Variants in PCDHGA2 observed in about 807,000 individuals in gnomAD.
PCDHGA2 encodes the protein protocadherin gamma-A2.
In PCDHGA2, 40 loss-of-function variants were observed where a neutral mutation model predicts 59.2. The observed-to-expected ratio is 0.68, with a 90% CI of 0.52 to 0.88. The LOEUF is 0.88. Ranked by LOEUF, PCDHGA2 falls within the 40% of genes least tolerant of loss-of-function variation. PCDHGA2 has a pLI of 0.00. For synonymous variants in PCDHGA2, 560 were observed against 526.0 expected, an observed-to-expected ratio of 1.06 and a Z score of -0.89; for missense variants, 1,226 against 1,204.0, an observed-to-expected ratio of 1.02 and a Z score of -0.27.
At chr5:141,343,931 T>A in intron 1 of PCDHGA2, 2 of 1,095,094 alleles carry the variant, frequency 1.8e-6, no homozygotes, top group Non-Finnish European at 2.6e-6. Context: ...GTTTGACCTG[T>A]GAATTAGGCC....
At chr5:141,387,714 A>G in intron 1 of PCDHGA2, 1 of 1,059,158 alleles carries the variant, frequency 9.4e-7, no homozygotes, top group East Asian at 2.6e-5. Context: ...GCCCCAGCTC[A>G]GACTCCCCAG....
At position 141,431,007 on chromosome 5, in the gene PCDHGA2, G is replaced by C. The variant is rs149559471; in HGVS notation, c.2425-63800G>C. On this transcript the variant is annotated intron_variant, in intron 1 of 3. Transcript: ENST00000394576. This position sits in a 1 kb window ranked among gnomAD's most constrained non-coding sequence, Gnocchi z 4.8. Reference sequence around the variant, plus strand: ...TTCGCCCTGAATCCGCGCAGCGGCAGCTTGGTCACGGCGGGCAGGATAGAC... The same window carrying C: ...TTCGCCCTGAATCCGCGCAGCGGCACCTTGGTCACGGCGGGCAGGATAGAC... 10 of 1,614,050 alleles carry C rather than the reference G, an allele frequency of 6.2e-6. No homozygotes were observed. The highest frequency in any genetic ancestry group is 8.5e-6 in the Non-Finnish European group (10 of 1,180,018).
In PCDHGA2 at chr5:141,423,758, G is replaced by T. The variant is rs1192987646; in HGVS notation, c.2425-71049G>T. Reference sequence around the variant, plus strand: ...CTGTTATGAAAACTGTTTGGGGGGGGGGTGGGGCGGCATATATTTAGTTCA... The same window carrying T: ...CTGTTATGAAAACTGTTTGGGGGGGTGGTGGGGCGGCATATATTTAGTTCA... On this transcript the variant is annotated intron_variant, in intron 1 of 3. Transcript: ENST00000394576. 1.4e-4 allele frequency: 53 copies of T among 366,832 alleles called. 6 individuals carry two copies. The highest frequency in any genetic ancestry group is 3.4e-4 in the South Asian group (4 of 11,762). 22.7% of individuals were successfully genotyped at this position (366,832 alleles called of 1,614,324 possible).
At chr5:141,361,405 G>A (rs1762001636) in intron 1 of PCDHGA2, 1 of 1,613,928 alleles carries the variant, frequency 6.2e-7, no homozygotes, top group African/African-American at 1.3e-5. Context: ...CACCATCACA[G>A]CCACCGACGG....
chr5:141,415,883 G>A (rs2095968409), intron 1 of PCDHGA2: 1 of 983,982 alleles, frequency 1.0e-6, no homozygotes, highest in African/African-American at 1.7e-5. Context: ...GTACAATATT[G>A]ACAATTCCTA....
chr5:141,364,068 C>T (rs1405963968), intron 1 of PCDHGA2, among the ~76,000 whole-genome samples: 1 of 152,134 alleles, frequency 6.6e-6, no homozygotes, highest in Non-Finnish European at 1.5e-5. Flanking sequence ...TATAACTAAA[C>T]TTAGGAGAAA....
chr5:141,499,138 G>A (rs765607930), intron 2 of PCDHGA2, among the ~76,000 whole-genome samples: 12 of 152,144 alleles, frequency 7.9e-5, no homozygotes, highest in Non-Finnish European at 1.5e-4. Flanking sequence ...TCCTTTGGGT[G>A]TCTGATCCCA....
chr5:141,500,467 C>T lies in PCDHGA2; in HGVS notation c.2484-4926C>T, dbSNP rs368360639. 6.6e-5 allele frequency among the ~76,000 whole-genome samples: 10 copies of T among 152,262 alleles called. No homozygotes were observed. In the South Asian group the frequency reaches 2.1e-3, roughly 32 times the overall value. ...CTCGTGATCCGCCCGCCTCGGCCTC[C>T]CAAAGTGCTGGGATTACAGGCGTGA... is the stretch of plus-strand genomic sequence containing the variant. On this transcript the variant is annotated intron_variant, in intron 2 of 3. Coordinates refer to ENST00000394576, the MANE Select transcript of PCDHGA2 (RefSeq NM_018915.4).
Position 141,512,594 on chromosome 5 carries a change from G to C in PCDHGA2, c.*1421G>C, listed in dbSNP as rs981124898. On this transcript the variant is annotated 3_prime_UTR_variant, in exon 4 of 4. Transcript: ENST00000394576. ...CACCCCCTTCTGCCCCTGGGTCCCC[G>C]GCCATCCAGCGGGGCTGCCAGAGAA... 1 of 152,812 alleles carries C rather than the reference G, an allele frequency of 6.5e-6. No homozygotes were observed. The highest frequency in any genetic ancestry group is 6.5e-5 in the Admixed American group (1 of 15,280). The allele number at this position is 152,812 out of a possible 1,614,324, so 9.5% of individuals were successfully genotyped here. A position where few individuals can be genotyped will look rare whatever the true frequency, so the allele number is the denominator to read the frequency against.
chr5:141,382,731 A>G (rs1250192091), intron 1 of PCDHGA2: 6 of 554,412 alleles, frequency 1.1e-5, no homozygotes, highest in Non-Finnish European at 1.8e-5. Flanking sequence ...TTTACAGCAC[A>G]GAGAAACGAC....
At chr5:141,449,537 C>A (rs1377909573) in intron 1 of PCDHGA2, among the ~76,000 whole-genome samples, 1 of 146,334 alleles carries the variant, frequency 6.8e-6, no homozygotes, top group Non-Finnish European at 1.5e-5. Flanking sequence ...TGCAGTGAGC[C>A]GAGATCGCAC....
At position 141,354,389 on chromosome 5, in the gene PCDHGA2, C is replaced by T. The variant is rs971076627; in HGVS notation, c.2424+12994C>T. ...AGATAGTCATATGCATAGCTTGTGG[C>T]CAAGAATCTACTGTACACAAAATTA... On this transcript the variant is annotated intron_variant, in intron 1 of 3. Coordinates refer to ENST00000394576, the MANE Select transcript of PCDHGA2 (RefSeq NM_018915.4). Among the ~76,000 whole-genome samples the T allele has an allele frequency of 2.0e-5, 3 of 152,144 alleles. 1 individual carries two copies. The South Asian group carries it at 6.2e-4, about 32-fold the overall frequency.
chr5:141,376,010 G>A (rs1479116283), intron 1 of PCDHGA2: 4 of 1,613,424 alleles, frequency 2.5e-6, no homozygotes, highest in Middle Eastern at 1.7e-4. Flanking sequence ...GCAGAGCCTA[G>A]TGGTGGCCGT....
chr5:141,475,821 G>T, intron 1 of PCDHGA2: 1 of 352,534 alleles, frequency 2.8e-6, no homozygotes, highest in Non-Finnish European at 5.1e-6. Context: ...AGTTCCTGGC[G>T]CTAGCGCGTG....
chr5:141,505,078 C>G (rs535590642), intron 2 of PCDHGA2, among the ~76,000 whole-genome samples: 81 of 152,298 alleles, frequency 5.3e-4, no homozygotes, highest in African/African-American at 2.0e-3. Flanking sequence ...AGGAGAATCG[C>G]TTGAACCCAG....
At chr5:141,427,397 T>C (rs944166415) in intron 1 of PCDHGA2, 2 of 460,626 alleles carry the variant, frequency 4.3e-6, no homozygotes, top group South Asian at 1.5e-5. Flanking sequence ...AAACACATGA[T>C]AAAGATTCGA....
chr5:141,426,768 G>A (rs2096959269), intron 1 of PCDHGA2: 1 of 456,516 alleles, frequency 2.2e-6, no homozygotes, highest in Non-Finnish European at 4.4e-6. Flanking sequence ...TGCAGATGTA[G>A]GGCCTCACTC....
chr5:141,427,899 G>A, intron 1 of PCDHGA2: 1 of 1,571,372 alleles, frequency 6.4e-7, no homozygotes, highest in Non-Finnish European at 8.7e-7. Flanking sequence ...GGGCTCGCCC[G>A]CGCTCAGCGC....
rs115281328 is a variant in PCDHGA2, at chr5:141,377,595, C to T, written c.2424+36200C>T. 1,339 of 144,106 alleles carry T rather than the reference C, an allele frequency of 9.3e-3. 18 individuals are homozygous for T. Among genetic ancestry groups the T allele is most frequent in the African/African-American group, 0.033 (1,264 of 38,356 alleles). 8.9% of individuals were successfully genotyped at this position (144,106 alleles called of 1,614,324 possible). The stretch of plus-strand genomic sequence containing the variant: ...TGGGAGACAGAATGAGACTTTTTCT[C>T]TCTCTCTCTCAAAAAAAAAAAAAGA... On this transcript the variant is annotated intron_variant, in intron 1 of 3. Coordinates refer to ENST00000394576, the MANE Select transcript of PCDHGA2 (RefSeq NM_018915.4).
Sources: allele counts gnomAD v4.1 joint callset (sites outside exome capture counted in the v4.1 genomes callset), GRCh38; gene constraint gnomAD v4.1.1; non-coding constraint Gnocchi (gnomAD v3.1); transcripts MANE v1.5; gene names NCBI Gene and HGNC (gene_info 2026-07-23, HGNC 2026-07-21).